Variants in NEO1 observed in about 807,000 individuals in gnomAD.
NEO1 encodes neogenin 1.
A neutral mutation model predicts 159.7 loss-of-function variants in NEO1; 63 were observed. The ratio of observed to expected loss-of-function variants is 0.39; its 90% CI spans 0.32 to 0.49. The LOEUF (loss-of-function observed/expected upper bound fraction) is 0.49, where lower values mean the gene tolerates loss of function less well. Ranked by LOEUF, NEO1 falls within the 20% of genes least tolerant of loss-of-function variation. The pLI, the probability that NEO1 is intolerant of heterozygous loss-of-function variation, is 0.85. For missense variants in NEO1, 1,615 were observed against 1,831.0 expected (o/e 0.88, Z 2.15); for synonymous variants, 633 against 662.0 (o/e 0.96, Z 0.67).
rs559076759 is a variant in NEO1, at chr15:73,257,830, A to G, written c.2093-936A>G. ...AGATCTTCATTGAGTAGTGTTTGCT[A>G]GTAATCCAGATTATCGTCTGTCAAC... On this transcript the variant is annotated intron_variant, in intron 13 of 28. Coordinates refer to ENST00000261908, the MANE Select transcript of NEO1 (RefSeq NM_002499.4). 1.8e-4 allele frequency among the ~76,000 whole-genome samples: 27 copies of G among 152,354 alleles called. No individual in the cohort carries two copies. In the South Asian group the frequency reaches 5.6e-3, roughly 32 times the overall value.
chr15:73,282,776 C>T (rs1273376605), intron 22 of NEO1, among the ~76,000 whole-genome samples, 188 bp from the exon 23 acceptor site: 3 of 152,218 alleles, frequency 2.0e-5, no homozygotes, highest in Non-Finnish European at 4.4e-5. Context: ...GTTCATAGGA[C>T]AGACTCTTAG....
chr15:73,072,053 C>T (rs771144021), intron 1 of NEO1, among the ~76,000 whole-genome samples: 3 of 152,058 alleles, frequency 2.0e-5, no homozygotes, highest in Non-Finnish European at 1.5e-5. Flanking sequence ...CAGGTTCAAG[C>T]GATTCTCCTG....
intron 1 of NEO1, among the ~76,000 whole-genome samples, chr15:73,059,986 A>G (rs1055284193): frequency 6.6e-6 from 1 of 152,054 alleles, no homozygotes; most frequent in African/African-American, 2.4e-5. Flanking sequence ...TTTTGTAATG[A>G]TACTATGTGG....
chr15:73,074,186 A>T (rs1377415094), intron 1 of NEO1, among the ~76,000 whole-genome samples: 1 of 152,214 alleles, frequency 6.6e-6, no homozygotes, highest in Non-Finnish European at 1.5e-5. Context: ...CAGCTCAGGC[A>T]TAGTTCAGGT....
intron 11 of NEO1, 147 bp downstream of exon 11, chr15:73,249,868 C>A: frequency 1.1e-6 from 1 of 879,730 alleles, no homozygotes; most frequent in Non-Finnish European, 1.7e-6. Context: ...CAAGTCTGAA[C>A]ATCTTTTTTC....
At position 73,260,142 on chromosome 15, in the gene NEO1, C is replaced by T. The variant is rs55934100; in HGVS notation, c.2204-129C>T. ...ACTATACATACAGATTCTTTTTGAA[C>T]TCTTGGGCATAATGTAAAAAACTTA... On this transcript the variant is annotated intron_variant, in intron 14 of 28. Transcript: ENST00000261908. 4.7e-3 allele frequency: 2,788 copies of T among 593,880 alleles called. 41 individuals carry two copies. Among genetic ancestry groups the T allele is most frequent in the African/African-American group, 0.046 (2,401 of 52,574 alleles). 36.8% of individuals were successfully genotyped at this position (593,880 alleles called of 1,614,324 possible). A position where few individuals can be genotyped will look rare whatever the true frequency, so the allele number is the denominator to read the frequency against.
At chr15:73,146,836 G>T (rs143902177) in intron 5 of NEO1, among the ~76,000 whole-genome samples, 1 of 152,176 alleles carries the variant, frequency 6.6e-6, no homozygotes, top group Non-Finnish European at 1.5e-5. Context: ...AAGACCTGAA[G>T]ATTCTGCCTG....
At chr15:73,124,072 A>T (rs1009942716) in intron 3 of NEO1, among the ~76,000 whole-genome samples, 3 of 151,992 alleles carry the variant, frequency 2.0e-5, no homozygotes, top group African/African-American at 7.3e-5. Flanking sequence ...GCATATGTGT[A>T]TGTGTCTTGA....
At chr15:73,200,577 T>G (rs978510048) in intron 7 of NEO1, among the ~76,000 whole-genome samples, 5 of 148,642 alleles carry the variant, frequency 3.4e-5, no homozygotes, top group East Asian at 2.0e-4. Flanking sequence ...AGGGAGTCTC[T>G]AGAGAGAGAG....
chr15:73,138,657 A>G (rs58897767), intron 5 of NEO1, among the ~76,000 whole-genome samples: 2,543 of 151,908 alleles, frequency 0.017, 78 homozygotes, highest in African/African-American at 0.058. Flanking sequence ...TTGGGAGGCT[A>G]AGGCAGGAGA....
intron 4 of NEO1, among the ~76,000 whole-genome samples, chr15:73,132,915 A>G (rs1285019197): frequency 6.6e-6 from 1 of 152,186 alleles, no homozygotes; most frequent in Non-Finnish European, 1.5e-5. Context: ...AAAAGGGAAC[A>G]CTTTTACACT....
intron 7 of NEO1, among the ~76,000 whole-genome samples, chr15:73,209,862 C>T (rs2037453789): frequency 6.6e-6 from 1 of 152,000 alleles, no homozygotes; most frequent in African/African-American, 2.4e-5. Context: ...CAAAAATTAG[C>T]TGGGCGTGGG....
intron 4 of NEO1, 194 bp downstream of exon 4, chr15:73,126,764 T>C (rs189365890): frequency 2.0e-6 from 1 of 503,064 alleles, no homozygotes; most frequent in Admixed American, 3.9e-5. Flanking sequence ...ACTTTCAAAA[T>C]ATTAAGAGAT....
At chr15:73,117,287 T>G (rs1349909106) in intron 2 of NEO1, among the ~76,000 whole-genome samples, 1 of 152,180 alleles carries the variant, frequency 6.6e-6, no homozygotes, top group African/African-American at 2.4e-5. Flanking sequence ...TTCAATTGGA[T>G]TAATTGTTTT....
At chr15:73,130,304 T>TTCCCCC (rs2030922709) in intron 4 of NEO1, among the ~76,000 whole-genome samples, 1 of 116,616 alleles carries the variant, frequency 8.6e-6, no homozygotes, top group Non-Finnish European at 2.1e-5. Flanking sequence ...GGGCTCAGTT[T>TTCCCCC]CCCGCCCCCC....
intron 7 of NEO1, among the ~76,000 whole-genome samples, chr15:73,232,288 G>C (rs2046017): frequency 4.0e-5 from 6 of 151,888 alleles, no homozygotes; most frequent in Non-Finnish European, 8.8e-5. Flanking sequence ...TGTTTTTGTT[G>C]AGTATTTAGT....
intron 14 of NEO1, among the ~76,000 whole-genome samples, 158 bp from the exon 15 acceptor site, chr15:73,260,113 T>G (rs575293445): frequency 6.6e-6 from 1 of 152,122 alleles, no homozygotes; most frequent in South Asian, 2.1e-4. Context: ...ATGGGCTGTA[T>G]TTCACTATAC....
chr15:73,120,885 A>AG, intron 2 of NEO1, among the ~76,000 whole-genome samples: 1 of 152,234 alleles, frequency 6.6e-6, no homozygotes, highest in African/African-American at 2.4e-5. Context: ...AGTAGGTGCA[A>AG]GAATAGAACC....
At chr15:73,078,230 A>G (rs2068869609) in intron 1 of NEO1, among the ~76,000 whole-genome samples, 1 of 152,020 alleles carries the variant, frequency 6.6e-6, no homozygotes, top group African/African-American at 2.4e-5. Context: ...TAATAGTTTT[A>G]TATTAGGGGA....
Sources: gnomAD v4.1 joint callset for allele counts (sites outside exome capture counted in the v4.1 genomes callset) on GRCh38, gnomAD v4.1.1 for gene constraint, MANE v1.5 for transcripts, NCBI Gene and HGNC (gene_info 2026-07-23, HGNC 2026-07-21) for gene names.